The following GAS2 variants were observed in gnomAD, a reference collection of about 807,000 sequenced individuals.
GAS2 encodes the protein growth arrest specific 2, also known as growth arrest-specific protein 2.
Under a neutral mutation model 37.5 loss-of-function variants are expected in GAS2, and 20 were observed. The observed-to-expected ratio is 0.53, with a 90% CI of 0.37 to 0.77. GAS2 has a LOEUF of 0.77. Among genes scored for constraint, GAS2 ranks in the 30% least tolerant of loss-of-function variants. GAS2 has a pLI of 0.00. For synonymous variants in GAS2, 144 were observed against 132.2 expected, an observed-to-expected ratio of 1.09 and a Z score of -0.61; for missense variants, 336 against 373.4, an observed-to-expected ratio of 0.90 and a Z score of 0.82.
intron 3 of GAS2, among the ~76,000 whole-genome samples, chr11:22,711,961 G>A (rs549867744): frequency 1.3e-5 from 2 of 152,230 alleles, no homozygotes; most frequent in African/African-American, 4.8e-5. Flanking sequence ...CTTGGGAGCT[G>A]TGTGACCCTG....
intron 6 of GAS2, 26 bp from the exon 7 acceptor site, chr11:22,755,820 T>G: frequency 6.5e-7 from 1 of 1,549,056 alleles, no homozygotes; most frequent in South Asian, 1.1e-5. Context: ...TTAAGACAAA[T>G]GAATGTGCCT....
upstream of GAS2, among the ~76,000 whole-genome samples, chr11:22,662,586 T>C (rs1848927011): frequency 6.6e-6 from 1 of 152,076 alleles, no homozygotes; most frequent in South Asian, 2.1e-4. Flanking sequence ...GAGGTACTTG[T>C]GATTAAAGTA....
chr11:22,765,572 G>A (rs1854642842), intron 7 of GAS2, among the ~76,000 whole-genome samples: 1 of 152,166 alleles, frequency 6.6e-6, no homozygotes, highest in Admixed American at 6.5e-5. Context: ...GAGATCAGGA[G>A]ATTGAGACCA....
intron 5 of GAS2, 129 bp downstream of exon 5, chr11:22,737,897 A>C (rs1852842680): frequency 6.2e-6 from 5 of 807,842 alleles, no homozygotes; most frequent in Non-Finnish European, 1.1e-5. Context: ...CACGATGATA[A>C]TATGAACTTC....
At chr11:22,653,009 T>G (rs1210781830) in intron 1 of GAS2, among the ~76,000 whole-genome samples, 35 of 142,022 alleles carry the variant, frequency 2.5e-4, no homozygotes, top group Admixed American at 9.4e-4. Context: ...CTTTCTTTCT[T>G]TCTTTCTTTC....
chr11:22,756,746 T>G (rs191813176), intron 7 of GAS2, among the ~76,000 whole-genome samples: 1 of 152,168 alleles, frequency 6.6e-6, no homozygotes, highest in Non-Finnish European at 1.5e-5. Flanking sequence ...CATTTACTAA[T>G]ATATTTCTTA....
chr11:22,654,548 A>G (rs1017805758), intron 1 of GAS2, among the ~76,000 whole-genome samples: 2 of 152,160 alleles, frequency 1.3e-5, no homozygotes, highest in East Asian at 3.9e-4. Flanking sequence ...GGCATGTGCA[A>G]CAATGCCTGG....
chr11:22,659,550 A>G (rs1051556184), intron 1 of GAS2, among the ~76,000 whole-genome samples: 7 of 152,118 alleles, frequency 4.6e-5, no homozygotes, highest in Admixed American at 3.3e-4. Flanking sequence ...CTTCTTCGGT[A>G]TTCTTTTCAT....
At position 22,685,914 on chromosome 11, in the gene GAS2, T is replaced by C. The variant is rs1387485551; in HGVS notation, c.267+125T>C. ...ATCAAGGTCTATACTAACAACAAAGTACAGAGAGTTCTTTTTAATTAGGTA... is the reference window on the plus strand; with the variant it reads ...ATCAAGGTCTATACTAACAACAAAGCACAGAGAGTTCTTTTTAATTAGGTA... On this transcript the variant is annotated intron_variant, in intron 3 of 7. Transcript: ENST00000454584. The C allele has an allele frequency of 8.9e-6, 7 of 785,654 alleles. No individual in the cohort carries two copies. The East Asian group carries it at 1.5e-4, about 16-fold the overall frequency. The allele number at this position is 785,654 out of a possible 1,614,324, so 48.7% of individuals were successfully genotyped here. A position where few individuals can be genotyped will look rare whatever the true frequency, so the allele number is the denominator to read the frequency against.
At chr11:22,746,682 A>C (rs1468484590) in intron 5 of GAS2, among the ~76,000 whole-genome samples, 1 of 152,160 alleles carries the variant, frequency 6.6e-6, no homozygotes, top group Non-Finnish European at 1.5e-5. Flanking sequence ...TGGGAACAAA[A>C]GACACTGGGA....
At chr11:22,698,490 A>G (rs948930454) in intron 3 of GAS2, among the ~76,000 whole-genome samples, 7 of 152,156 alleles carry the variant, frequency 4.6e-5, no homozygotes, top group Non-Finnish European at 1.0e-4. Context: ...ATCAATAGAA[A>G]AAGAGGGAAT....
intron 7 of GAS2, among the ~76,000 whole-genome samples, chr11:22,785,713 TAGATATATGCTAC>T (rs1182674034): frequency 3.3e-5 from 5 of 152,142 alleles, no homozygotes; most frequent in Non-Finnish European, 7.4e-5. Context: ...TTCAAAGTCC[TAGATATATGCTAC>T]TTTCGTTGAA....
At chr11:22,713,517 C>G (rs567950387) in intron 3 of GAS2, among the ~76,000 whole-genome samples, 2 of 152,062 alleles carry the variant, frequency 1.3e-5, no homozygotes, top group Non-Finnish European at 2.9e-5. Flanking sequence ...ACCTGGTAAA[C>G]TAATCACGAA....
At chr11:22,798,613 C>T (rs960202605) in intron 7 of GAS2, among the ~76,000 whole-genome samples, 23 of 152,038 alleles carry the variant, frequency 1.5e-4, no homozygotes, top group Admixed American at 3.3e-4. Flanking sequence ...AAGAGTAAAA[C>T]GGTAATTCCA....
chr11:22,740,933 T>C (rs1590076400), intron 5 of GAS2, among the ~76,000 whole-genome samples: 1 of 152,226 alleles, frequency 6.6e-6, no homozygotes, highest in East Asian at 1.9e-4. Context: ...TAGACCTTAA[T>C]GAAGTCTCCA....
At position 22,674,862 on chromosome 11, in the gene GAS2, G is replaced by A. The variant is rs1423536121; in HGVS notation, c.-8G>A. The A allele has an allele frequency of 2.5e-6, 4 of 1,574,430 alleles. No homozygotes were observed. In the Admixed American group the frequency reaches 7.7e-5, roughly 30 times the overall value. ...GTTTCCAAAACAGGTATTACAAGTG[G>A]ATAAATAATGTGCACTGCTCTGAGC... is the stretch of plus-strand genomic sequence containing the variant. On this transcript the variant is annotated 5_prime_UTR_variant, in exon 2 of 8. Transcript: ENST00000454584.
chr11:22,700,384 C>T (rs1850770642), intron 3 of GAS2, among the ~76,000 whole-genome samples: 1 of 152,084 alleles, frequency 6.6e-6, no homozygotes, highest in Non-Finnish European at 1.5e-5. Flanking sequence ...TGCCTGTTTG[C>T]TTAGCTCAAA....
intron 4 of GAS2, among the ~76,000 whole-genome samples, chr11:22,727,019 G>A (rs1048672293): frequency 2.0e-5 from 3 of 152,048 alleles, no homozygotes; most frequent in African/African-American, 4.8e-5. Context: ...AGATAACTGC[G>A]TAGATTTCTG....
intron 3 of GAS2, among the ~76,000 whole-genome samples, chr11:22,699,747 T>C (rs528976787): frequency 2.0e-5 from 3 of 152,292 alleles, no homozygotes; most frequent in Admixed American, 6.5e-5. Context: ...TTATGGGGAC[T>C]AAGTAAGTTA....
Sources: gnomAD v4.1 joint callset for allele counts (sites outside exome capture counted in the v4.1 genomes callset) on GRCh38, gnomAD v4.1.1 for gene constraint, MANE v1.5 for transcripts, NCBI Gene and HGNC (gene_info 2026-07-23, HGNC 2026-07-21) for gene names.